The following PIK3CA variants were observed in gnomAD, a reference collection of about 807,000 sequenced individuals.
The protein encoded by PIK3CA is phosphatidylinositol-4,5-bisphosphate 3-kinase catalytic subunit alpha.
PIK3CA carries 27 observed loss-of-function variants against 138.2 expected under a neutral mutation model. The ratio of observed to expected loss-of-function variants is 0.20; its 90% CI spans 0.14 to 0.27. PIK3CA has a LOEUF of 0.27. Ranked by LOEUF, PIK3CA falls within the 10% of genes least tolerant of loss-of-function variation. The probability of loss-of-function intolerance (pLI) is 1.00; values close to 1 mark genes in which losing one functional copy is unlikely to be tolerated. For missense variants in PIK3CA, 544 were observed against 1,277.4 expected, an observed-to-expected ratio of 0.43 and a Z score of 8.75; for synonymous variants, 358 against 413.2, an observed-to-expected ratio of 0.87 and a Z score of 1.62.
intron 1 of PIK3CA, among the ~76,000 whole-genome samples, chr3:179,180,655 A>T (rs1251945900): frequency 6.6e-6 from 1 of 152,152 alleles, no homozygotes; most frequent in African/African-American, 2.4e-5. Flanking sequence ...TTGGAGATTG[A>T]GAAAGTGGTG....
At chr3:179,203,387 G>A (rs113675661) in intron 4 of PIK3CA, among the ~76,000 whole-genome samples, 157 bp from the exon 5 acceptor site, 1 of 152,104 alleles carries the variant, frequency 6.6e-6, no homozygotes, top group African/African-American at 2.4e-5. Flanking sequence ...CTAAATGTTA[G>A]TATTTTAAAT....
At chr3:179,181,298 TTA>T (rs937986432) in intron 1 of PIK3CA, among the ~76,000 whole-genome samples, 3 of 151,520 alleles carry the variant, frequency 2.0e-5, no homozygotes, top group Non-Finnish European at 4.4e-5. Context: ...CAAAGAAACA[TTA>T]TTTTTTTTTT....
chr3:179,183,857 C>A (rs954314878), intron 1 of PIK3CA, among the ~76,000 whole-genome samples: 8 of 152,074 alleles, frequency 5.3e-5, no homozygotes, highest in Admixed American at 2.0e-4. Flanking sequence ...GTGTCTAATC[C>A]TTGTTGTATA....
intron 9 of PIK3CA, 61 bp downstream of exon 9, chr3:179,210,626 T>C (rs1724687265): frequency 6.6e-7 from 1 of 1,507,826 alleles, no homozygotes; most frequent in African/African-American, 1.4e-5. Flanking sequence ...AGGTAGATAC[T>C]TTCTCTATGG....
intron 1 of PIK3CA, among the ~76,000 whole-genome samples, chr3:179,155,171 A>G (rs1460238600): frequency 2.6e-5 from 4 of 152,234 alleles, no homozygotes; most frequent in African/African-American, 9.6e-5. Flanking sequence ...CAACAAAAAT[A>G]TAAGGCACTA....
Position 179,227,183 on chromosome 3 carries a change from A to G in PIK3CA, c.2495+1143A>G, listed in dbSNP as rs1355285582. ...TGAATATTTTTTAACTTAAGTAAAT[A>G]TAAGTAAAAATTTTATTTCAAGTTT... On this transcript the variant is annotated intron_variant, in intron 17 of 20. Transcript: ENST00000263967. Among the ~76,000 whole-genome samples, 4 of 152,200 alleles carry G rather than the reference A, an allele frequency of 2.6e-5. No homozygotes were observed. The East Asian group carries it at 7.7e-4, about 29-fold the overall frequency.
rs1378657571 is a variant in PIK3CA, at chr3:179,225,082, C to A, written c.2416+261C>A. Among the ~76,000 whole-genome samples, 5 of 151,820 alleles carry A rather than the reference C, an allele frequency of 3.3e-5. No individual in the cohort carries two copies. The East Asian group carries it at 9.7e-4, about 29-fold the overall frequency. On this transcript the variant is annotated intron_variant, in intron 16 of 20. Coordinates refer to ENST00000263967, the MANE Select transcript of PIK3CA (RefSeq NM_006218.4). ...TTTCCTGTTCCCTGCCTCCAACCCC[C>A]CTCCCGTGGACCTGTGTAGAGAAGT...
intron 9 of PIK3CA, among the ~76,000 whole-genome samples, chr3:179,216,426 G>A (rs1283921252): frequency 6.6e-6 from 1 of 151,700 alleles, no homozygotes; most frequent in Admixed American, 6.6e-5. Context: ...CTAAATCTAC[G>A]TTAAAAATTT....
In PIK3CA at chr3:179,201,492, T is replaced by G; in HGVS notation, c.765T>G (p.Cys255Trp). 6.2e-7 allele frequency: 1 copy of G among 1,610,164 alleles called. No individual in the cohort carries two copies. The highest frequency in any genetic ancestry group is 8.5e-7 in the Non-Finnish European group (1 of 1,176,532). ...EYQGKYILKV[C>W]GCDEYFLEKY... Reference sequence around the variant, plus strand: ...AGGGCAAGTATATTTTAAAAGTGTGTGGATGTGATGAATACTTCCTAGAAA... The same window carrying G: ...AGGGCAAGTATATTTTAAAAGTGTGGGGATGTGATGAATACTTCCTAGAAA... The change falls in exon 4 of 21, where the codon TGT becomes TGG. Residue 255 changes from cysteine (C) to tryptophan (W), a missense_variant. This residue lies in a region of PIK3CA where 234 missense variants were observed against 401.3 expected (regional missense o/e 0.58). Transcript: ENST00000263967.
chr3:179,204,442 AGT>A, intron 5 of PIK3CA, 59 bp from the exon 6 acceptor site: 1 of 736,894 alleles, frequency 1.4e-6, no homozygotes, highest in Non-Finnish European at 2.3e-6. Flanking sequence ...GAGTCTATCG[AGT>A]GTGTGCATAT....
At chr3:179,157,375 A>G (rs780658592) in intron 1 of PIK3CA, among the ~76,000 whole-genome samples, 3 of 152,150 alleles carry the variant, frequency 2.0e-5, no homozygotes, top group Non-Finnish European at 4.4e-5. Flanking sequence ...TCTATACTTG[A>G]TAATAACAGT....
At chr3:179,159,243 C>T (rs1723215795) in intron 1 of PIK3CA, among the ~76,000 whole-genome samples, 1 of 152,042 alleles carries the variant, frequency 6.6e-6, no homozygotes, top group Admixed American at 6.6e-5. Flanking sequence ...GTGATATGTA[C>T]AATGAAAAAA....
intron 1 of PIK3CA, among the ~76,000 whole-genome samples, chr3:179,168,222 A>G (rs1225652280): frequency 2.0e-5 from 3 of 152,170 alleles, no homozygotes; most frequent in Non-Finnish European, 4.4e-5. Context: ...AGGGGAAGTA[A>G]AACTTTGGAA....
At chr3:179,215,078 C>G (rs1372821119) in intron 9 of PIK3CA, among the ~76,000 whole-genome samples, 2 of 152,068 alleles carry the variant, frequency 1.3e-5, no homozygotes, top group African/African-American at 2.4e-5. Context: ...GCCAAGAAGT[C>G]CAAAACACCC....
At chr3:179,195,285 C>T (rs1051623856) in intron 1 of PIK3CA, among the ~76,000 whole-genome samples, 15 of 151,780 alleles carry the variant, frequency 9.9e-5, no homozygotes, top group Admixed American at 3.9e-4. Flanking sequence ...CAACAAAAAC[C>T]GTTTCCTTCC....
chr3:179,159,058 T>G (rs1560122603), intron 1 of PIK3CA, among the ~76,000 whole-genome samples: 1 of 152,026 alleles, frequency 6.6e-6, no homozygotes, highest in Non-Finnish European at 1.5e-5. Context: ...CTACACACTT[T>G]AAAAAACTAC....
chr3:179,194,798 T>G (rs1048012882), intron 1 of PIK3CA, among the ~76,000 whole-genome samples: 2 of 152,188 alleles, frequency 1.3e-5, no homozygotes, highest in Non-Finnish European at 2.9e-5. Context: ...ATTTTTAATC[T>G]GTAATATTCT....
intron 20 of PIK3CA, among the ~76,000 whole-genome samples, chr3:179,233,687 C>T (rs753147850): frequency 6.6e-6 from 1 of 152,130 alleles, no homozygotes; most frequent in African/African-American, 2.4e-5. Context: ...AACTTTTTTA[C>T]CACCTTATGG....
chr3:179,185,513 A>C (rs1723955918), intron 1 of PIK3CA, among the ~76,000 whole-genome samples: 1 of 152,198 alleles, frequency 6.6e-6, no homozygotes, highest in South Asian at 2.1e-4. Flanking sequence ...AGTATCCTGT[A>C]ATTCAATTCA....
Sources: gnomAD v4.1 joint callset for allele counts (sites outside exome capture counted in the v4.1 genomes callset) on GRCh38, gnomAD v4.1.1 for gene constraint, gnomAD v4.1.1 regional missense constraint, MANE v1.5 for transcripts, NCBI Gene and HGNC (gene_info 2026-07-23, HGNC 2026-07-21) for gene names.